Variants in PLXNA4 observed in about 807,000 individuals in gnomAD.
PLXNA4 encodes plexin A4.
In PLXNA4, 44 loss-of-function variants were observed where a neutral mutation model predicts 191.8. The ratio of observed to expected loss-of-function variants is 0.23; its 90% CI spans 0.18 to 0.29. The LOEUF is 0.29. Ranked by LOEUF, PLXNA4 falls within the 10% of genes least tolerant of loss-of-function variation. PLXNA4 has a pLI of 1.00. For missense variants in PLXNA4, 1,800 were observed against 2,488.8 expected, an observed-to-expected ratio of 0.72 and a Z score of 5.89; for synonymous variants, 1,082 against 1,009.5, an observed-to-expected ratio of 1.07 and a Z score of -1.36.
chr7:132,403,521 A>C (rs765622476), intron 3 of PLXNA4, among the ~76,000 whole-genome samples: 1 of 152,152 alleles, frequency 6.6e-6, no homozygotes, highest in Non-Finnish European at 1.5e-5. Context: ...CAGGCACAAA[A>C]CATAAATCAT....
chr7:132,561,379 TCC>T, intron 1 of PLXNA4, among the ~76,000 whole-genome samples: 8 of 136,780 alleles, frequency 5.8e-5, no homozygotes, highest in South Asian at 2.5e-4. Flanking sequence ...GTCCTCCTCC[TCC>T]TCTTCCTCCT....
rs571407596 is a variant in PLXNA4 at position 132,225,108 on chromosome 7, G to A, written c.1982+1053C>T. Among the ~76,000 whole-genome samples, 3 of 152,206 alleles carry A rather than the reference G, an allele frequency of 2.0e-5. No individual in the cohort carries two copies. In the South Asian group the frequency reaches 6.2e-4, roughly 32 times the overall value. ...TGCTTCCATCTATTCTGTATATTGG[G>A]CATCCACACCTACTTTCAGTTTAAG... On this transcript the variant is annotated intron_variant, in intron 8 of 31. Coordinates refer to ENST00000321063, the MANE Select transcript of PLXNA4 (RefSeq NM_020911.2).
In PLXNA4 at chr7:132,211,101, C is replaced by T. The variant is rs1308095027; in HGVS notation, c.2140G>A (p.Val714Met). 2.0e-5 allele frequency: 32 copies of T among 1,581,242 alleles called. No homozygotes were observed. The highest frequency in any genetic ancestry group is 4.0e-5 in the African/African-American group (3 of 74,216). Reference sequence around the variant, plus strand: ...AGCGTGATAGGCTTGATCACCTCCACGGGCACCAGGATCTTGTCCACTCGC... The same window carrying T: ...AGCGTGATAGGCTTGATCACCTCCATGGGCACCAGGATCTTGTCCACTCGC... ...LLRVDKILVP[V>M]EVIKPITLKA... The change falls in exon 10 of 32, where the codon GTG becomes ATG. Residue 714 changes from valine (V) to methionine (M), a missense_variant. Val to Met is a conservative substitution (Grantham distance 21). Around this residue, in one of 6 missense-constraint regions of PLXNA4, gnomAD observed 1,397 missense variants for 1,880.4 expected, o/e 0.74. Transcript: ENST00000321063.
intron 3 of PLXNA4, among the ~76,000 whole-genome samples, chr7:132,447,587 A>C (rs1459669749): frequency 2.6e-5 from 4 of 152,206 alleles, no homozygotes; most frequent in Non-Finnish European, 5.9e-5. Flanking sequence ...GACTCATAGA[A>C]TGATCACTTA....
intron 3 of PLXNA4, among the ~76,000 whole-genome samples, chr7:132,447,971 G>A (rs73440704): frequency 0.017 from 2,520 of 152,186 alleles, 72 homozygotes; most frequent in African/African-American, 0.057. Flanking sequence ...AGATGATGGC[G>A]CTGCACTCCA....
At chr7:132,560,009 G>T (rs1490544392) in intron 1 of PLXNA4, among the ~76,000 whole-genome samples, 3 of 152,136 alleles carry the variant, frequency 2.0e-5, no homozygotes, top group South Asian at 2.1e-4. Context: ...CACTTGACAC[G>T]CCTGGACCAA....
At chr7:132,520,753 C>G (rs986451551) in intron 1 of PLXNA4, among the ~76,000 whole-genome samples, 2 of 152,132 alleles carry the variant, frequency 1.3e-5, no homozygotes, top group Non-Finnish European at 2.9e-5. Context: ...TCCTAAAAGC[C>G]TGACCACCCC....
intron 3 of PLXNA4, among the ~76,000 whole-genome samples, chr7:132,344,233 T>A (rs1803150873): frequency 6.6e-6 from 1 of 152,218 alleles, no homozygotes; most frequent in Admixed American, 6.5e-5. Flanking sequence ...ACATGGATTT[T>A]TTTTTTCTTT....
chr7:132,262,797 G>T (rs1340555315), intron 4 of PLXNA4, among the ~76,000 whole-genome samples: 4 of 152,122 alleles, frequency 2.6e-5, no homozygotes. Context: ...AGGCAGAGAT[G>T]CTGGGTCTAA....
chr7:132,621,745 C>T (rs2116867776), intron 2 of PLXNA4, among the ~76,000 whole-genome samples: 1 of 152,298 alleles, frequency 6.6e-6, no homozygotes, highest in South Asian at 2.1e-4. Flanking sequence ...TTTACTCTCC[C>T]ACAAGCAAGT....
At chr7:132,559,755 A>G (rs1387604048) in intron 1 of PLXNA4, among the ~76,000 whole-genome samples, 1 of 152,258 alleles carries the variant, frequency 6.6e-6, no homozygotes, top group Non-Finnish European at 1.5e-5. Flanking sequence ...ACTAAATTAT[A>G]AAGCTCTCCT....
At chr7:132,452,953 G>T (rs1397324301) in intron 3 of PLXNA4, among the ~76,000 whole-genome samples, 2 of 152,178 alleles carry the variant, frequency 1.3e-5, no homozygotes, top group South Asian at 2.1e-4. Context: ...GGGTTCAGAA[G>T]ATGAGGATGG....
intron 2 of PLXNA4, among the ~76,000 whole-genome samples, chr7:132,609,588 A>G (rs1471519388): frequency 6.6e-6 from 1 of 152,210 alleles, no homozygotes; most frequent in Non-Finnish European, 1.5e-5. Context: ...ATGGCCAACT[A>G]CAACCTGCTC....
rs1799417847 is a variant in PLXNA4, at chr7:132,255,968, T to A, written c.1504-14802A>T. 2.0e-5 allele frequency among the ~76,000 whole-genome samples: 3 copies of A among 152,252 alleles called. No individual in the cohort carries two copies. In the South Asian group the frequency reaches 6.2e-4, roughly 32 times the overall value. On this transcript the variant is annotated intron_variant, in intron 4 of 31. Coordinates refer to ENST00000321063, the MANE Select transcript of PLXNA4 (RefSeq NM_020911.2). ...AAGGTTATCTGTGTTCTTTATTTAA[T>A]CAGGGTCTCCCCTGACCTCTGTGAA...
chr7:132,148,480 A>T (rs910157608), intron 26 of PLXNA4, 63 bp downstream of exon 26: 30 of 1,603,438 alleles, frequency 1.9e-5, no homozygotes, highest in Non-Finnish European at 2.6e-5. Context: ...ATTCCAGGGC[A>T]ATGATTTCCA....
chr7:132,261,111 C>G (rs1019531207), intron 4 of PLXNA4, among the ~76,000 whole-genome samples: 5 of 152,122 alleles, frequency 3.3e-5, no homozygotes, highest in Non-Finnish European at 5.9e-5. Flanking sequence ...ATGAATACAC[C>G]TACATTCAAA....
chr7:132,287,191 G>A (rs1341466634), intron 4 of PLXNA4, among the ~76,000 whole-genome samples: 1 of 152,090 alleles, frequency 6.6e-6, no homozygotes, highest in Non-Finnish European at 1.5e-5. Context: ...CGCACAATAA[G>A]GCCTGGCTAA....
intron 30 of PLXNA4, among the ~76,000 whole-genome samples, chr7:132,139,366 C>A (rs549903086): frequency 6.6e-6 from 1 of 152,274 alleles, no homozygotes; most frequent in East Asian, 1.9e-4. Flanking sequence ...CTATCATAGG[C>A]AAAATGATAA....
Position 132,538,071 on chromosome 7 carries a change from T to C in PLXNA4, c.-86-29292A>G, listed in dbSNP as rs114928696. 4.4e-3 allele frequency among the ~76,000 whole-genome samples: 666 copies of C among 152,342 alleles called. 4 individuals are homozygous for C. The highest frequency in any genetic ancestry group is 0.015 in the African/African-American group (622 of 41,586). The stretch of plus-strand genomic sequence containing the variant: ...AGGATCAGACAATCGCTGTCCTCTC[T>C]TGCTTCCCCTTCTCCAGTCCTCCCA... On this transcript the variant is annotated intron_variant, in intron 1 of 31. Transcript: ENST00000321063.
Sources: allele counts gnomAD v4.1 joint callset (sites outside exome capture counted in the v4.1 genomes callset), GRCh38; gene constraint gnomAD v4.1.1; regional missense constraint gnomAD v4.1.1; transcripts MANE v1.5; gene names NCBI Gene and HGNC (gene_info 2026-07-23, HGNC 2026-07-21).